Variants in IGDCC4 observed in about 807,000 individuals in gnomAD.
The protein encoded by IGDCC4 is likely ortholog of mouse neighbor of Punc E11.
Under a neutral mutation model 116.6 loss-of-function variants are expected in IGDCC4, and 72 were observed. The ratio of observed to expected loss-of-function variants is 0.62; its 90% CI spans 0.51 to 0.75. IGDCC4 has a LOEUF of 0.75. Among genes scored for constraint, IGDCC4 ranks in the 30% least tolerant of loss-of-function variants. The pLI, the probability that IGDCC4 is intolerant of heterozygous loss-of-function variation, is 0.00. For missense variants in IGDCC4, 1,501 were observed against 1,662.4 expected (o/e 0.90, Z 1.69); for synonymous variants, 709 against 719.9 (o/e 0.98, Z 0.24).
chr15:65,401,727 C>A (rs1283994883), intron 4 of IGDCC4, among the ~76,000 whole-genome samples: 1 of 152,152 alleles, frequency 6.6e-6, no homozygotes, highest in Admixed American at 6.5e-5. Flanking sequence ...ATTCTTATCT[C>A]AAGGACTCTT....
In IGDCC4 at chr15:65,400,835, G is replaced by A; in HGVS notation, c.812C>T (p.Pro271Leu). The change falls in exon 5 of 20, where the codon CCC (proline) becomes CTC (leucine). Residue 271 changes from proline (P) to leucine (L), a missense_variant. Transcript: ENST00000352385. ...TCGGACCCAGGACACAAAAGGGGTGGGGTCAGCTGAGGCCACACATTCCAT... is the reference window on the plus strand; with the variant it reads ...TCGGACCCAGGACACAAAAGGGGTGAGGTCAGCTGAGGCCACACATTCCAT... ...VVMECVASAD[P>L]TPFVSWVRQD... The A allele has an allele frequency of 6.2e-7, 1 of 1,611,862 alleles. No individual in the cohort carries two copies. Among genetic ancestry groups the A allele is most frequent in the Non-Finnish European group, 8.5e-7 (1 of 1,178,682 alleles).
At chr15:65,395,346 C>T in intron 7 of IGDCC4, 88 bp from the exon 8 acceptor site, 2 of 1,335,674 alleles carry the variant, frequency 1.5e-6, no homozygotes, top group Non-Finnish European at 2.1e-6. Context: ...TTCATATTGT[C>T]CTGGTGTCTA....
In IGDCC4 at chr15:65,396,885, T is replaced by C. The variant is rs1354658047; in HGVS notation, c.946A>G (p.Lys316Glu). The C allele has an allele frequency of 1.3e-6, 2 of 1,576,700 alleles. No individual in the cohort carries two copies. The highest frequency in any genetic ancestry group is 1.8e-5 in the Admixed American group (1 of 54,540). ...GTGGCGAAGTCGCGCGTGCGGGGCT[T>C]GTTGGCGCGGCAGACATAGACGCCG... ...HSGVYVCRAN[K>E]PRTRDFATAA... is the part of the protein sequence containing the mutation. Residue 316 changes from lysine (K) to glutamate (E), a missense_variant, in exon 6 of 20, where the codon AAG becomes GAG. Lys to Glu is a moderately conservative substitution (Grantham distance 56). Coordinates refer to ENST00000352385, the MANE Select transcript of IGDCC4 (RefSeq NM_020962.3).
At chr15:65,414,119 G>A (rs2063122488) in intron 1 of IGDCC4, among the ~76,000 whole-genome samples, 1 of 152,220 alleles carries the variant, frequency 6.6e-6, no homozygotes, top group African/African-American at 2.4e-5. Flanking sequence ...AGCCCTGTGA[G>A]TCTCCAGACT....
rs1024037836 is a variant in IGDCC4 at position 65,383,893 on chromosome 15, G to T, written c.*116C>A. On this transcript the variant is annotated 3_prime_UTR_variant, in exon 20 of 20. Transcript: ENST00000352385. ...CCCCTCAGCCAAAGCAACTTAGGAA[G>T]CTCCAAAGGGCTTGATGATGTATCT... The T allele has an allele frequency of 1.0e-6, 1 of 991,176 alleles. No individual in the cohort carries two copies. The highest frequency in any genetic ancestry group is 1.4e-6 in the Non-Finnish European group (1 of 702,400). 61.4% of individuals were successfully genotyped at this position (991,176 alleles called of 1,614,324 possible).
Position 65,381,587 on chromosome 15 carries a change from G to C in IGDCC4, c.*2422C>G, listed in dbSNP as rs545477800. On this transcript the variant is annotated 3_prime_UTR_variant, in exon 20 of 20. Transcript: ENST00000352385. ...ATATTTGTAAGGAGAAAAAAAAAAC[G>C]CTGGAAGGATAATTAAATAGTACAG... is the stretch of plus-strand genomic sequence containing the variant. 3 of 150,932 alleles carry C rather than the reference G, an allele frequency of 2.0e-5. No individual in the cohort carries two copies. The highest frequency in any genetic ancestry group is 7.3e-5 in the African/African-American group (3 of 40,984). The allele number at this position is 150,932 out of a possible 1,614,324, so 9.3% of individuals were successfully genotyped here. A position where few individuals can be genotyped will look rare whatever the true frequency, so the allele number is the denominator to read the frequency against.
chr15:65,406,466 A>G (rs2063041992), intron 3 of IGDCC4, among the ~76,000 whole-genome samples: 1 of 152,190 alleles, frequency 6.6e-6, no homozygotes, highest in Non-Finnish European at 1.5e-5. Flanking sequence ...AGAAAATAGT[A>G]TGAGTACCGG....
At chr15:65,402,528 G>A (rs1160345845) in intron 3 of IGDCC4, 41 bp from the exon 4 acceptor site, 12 of 1,552,902 alleles carry the variant, frequency 7.7e-6, no homozygotes, top group Admixed American at 3.9e-5. Flanking sequence ...GTGGGCAGGG[G>A]GGCCACAGGG....
chr15:65,416,692 G>A (rs889722789), intron 1 of IGDCC4, among the ~76,000 whole-genome samples: 3 of 152,088 alleles, frequency 2.0e-5, no homozygotes, highest in South Asian at 2.1e-4. Flanking sequence ...CTTGCTGCCC[G>A]CTGGCTTTCT....
intron 5 of IGDCC4, among the ~76,000 whole-genome samples, chr15:65,398,533 C>CAAAAAAAAAA (rs3082803): frequency 5.2e-5 from 4 of 77,616 alleles, no homozygotes; most frequent in Non-Finnish European, 7.6e-5. Context: ...AACTCCATCT[C>CAAAAAAAAAA]AAAAAAAAAA....
chr15:65,395,512 A>C (rs1012268411), intron 7 of IGDCC4, among the ~76,000 whole-genome samples: 5 of 152,126 alleles, frequency 3.3e-5, no homozygotes, highest in African/African-American at 9.7e-5. Context: ...TGGCTCCAGG[A>C]ACGTCCTCTC....
chr15:65,394,788 C>T (rs2062904440), intron 8 of IGDCC4, among the ~76,000 whole-genome samples: 1 of 152,164 alleles, frequency 6.6e-6, no homozygotes, highest in African/African-American at 2.4e-5. Flanking sequence ...GGGTTAATGT[C>T]ACTGGCCCCT....
intron 17 of IGDCC4, 48 bp downstream of exon 17, chr15:65,386,503 T>A (rs1356848953): frequency 6.7e-7 from 1 of 1,499,332 alleles, no homozygotes; most frequent in East Asian, 2.3e-5. Context: ...TCTGCAGCCC[T>A]TCCTGGAAGT....
rs766094556 is a variant in IGDCC4 at position 65,385,094 on chromosome 15, C to T, written c.3202G>A (p.Gly1068Arg). 4 of 1,597,492 alleles carry T rather than the reference C, an allele frequency of 2.5e-6. No individual in the cohort carries two copies. In the Admixed American group the frequency reaches 5.2e-5, roughly 21 times the overall value. The change falls in exon 19 of 20, where the codon GGG becomes AGG. Residue 1068 changes from glycine (G) to arginine (R), a missense_variant. Physicochemically the swap from Gly to Arg is moderately radical, Grantham distance 125. Coordinates refer to ENST00000352385, the MANE Select transcript of IGDCC4 (RefSeq NM_020962.3). ...KRKISWAQPSGLSWAGSWAGC... is the reference protein window; with the variant it reads ...KRKISWAQPSRLSWAGSWAGC... ...GCCCAGGAACCAGCCCAGCTCAGCC[C>T]GCTTGGTTGAGCCCAGGAGATCTGC...
intron 4 of IGDCC4, among the ~76,000 whole-genome samples, chr15:65,401,831 C>A (rs1345603938): frequency 1.3e-5 from 2 of 152,164 alleles, no homozygotes; most frequent in African/African-American, 4.8e-5. Flanking sequence ...TTTCCAACCC[C>A]AAAGACTGTG....
intron 3 of IGDCC4, 41 bp from the exon 4 acceptor site, chr15:65,402,528 G>C: frequency 6.4e-7 from 1 of 1,552,902 alleles, no homozygotes; most frequent in South Asian, 1.2e-5. Context: ...GTGGGCAGGG[G>C]GGCCACAGGG....
At position 65,384,651 on chromosome 15, in the gene IGDCC4, T is replaced by C. The variant is rs2091435568; in HGVS notation, c.3343-232A>G. ...AGGAGTACCAGACTCAGTCAGGGCC[T>C]CTGGGGACAGGAGGAAGGGCTGAGC... On this transcript the variant is annotated intron_variant, in intron 19 of 19. Coordinates refer to ENST00000352385, the MANE Select transcript of IGDCC4 (RefSeq NM_020962.3). The surrounding 1 kb of genome is among the most constrained non-coding windows in gnomAD (Gnocchi z 4.9). Among the ~76,000 whole-genome samples the C allele has an allele frequency of 1.3e-5, 2 of 152,156 alleles. No individual in the cohort carries two copies. Among genetic ancestry groups the C allele is most frequent in the Admixed American group, 1.3e-4 (2 of 15,284 alleles).
chr15:65,384,904 GCA>G lies in IGDCC4; in HGVS notation c.3342+48_3342+49del, dbSNP rs1567078385. 1 of 1,561,698 alleles carries G rather than the reference GCA, an allele frequency of 6.4e-7. No individual in the cohort carries two copies. Among genetic ancestry groups the G allele is most frequent in the South Asian group, 1.2e-5 (1 of 85,724 alleles). ...AGAACTCATTACTTCCTCTTCACAA[GCA>G]CAGAGACCCTTTCCTCCTTTCCTGC... On this transcript the variant is annotated intron_variant, in intron 19 of 19. Transcript: ENST00000352385. This position sits in a 1 kb window ranked among gnomAD's most constrained non-coding sequence, Gnocchi z 4.9.
chr15:65,405,596 C>T (rs950957564), intron 3 of IGDCC4, among the ~76,000 whole-genome samples: 21 of 152,196 alleles, frequency 1.4e-4, no homozygotes, highest in African/African-American at 3.9e-4. Flanking sequence ...CATTAGATAA[C>T]GGACATAAAC....
Sources: gnomAD v4.1 joint callset for allele counts (sites outside exome capture counted in the v4.1 genomes callset) on GRCh38, gnomAD v4.1.1 for gene constraint, Gnocchi (gnomAD v3.1) non-coding constraint, MANE v1.5 for transcripts, NCBI Gene and HGNC (gene_info 2026-07-23, HGNC 2026-07-21) for gene names.